PLEKHG1: variants seen among roughly 807,000 people sequenced by gnomAD.
PLEKHG1 encodes the protein pleckstrin homology and RhoGEF domain containing G1.
A neutral mutation model predicts 100.8 loss-of-function variants in PLEKHG1; 44 were observed. The ratio of observed to expected loss-of-function variants is 0.44; its 90% CI spans 0.34 to 0.56. The LOEUF (loss-of-function observed/expected upper bound fraction) is 0.56. PLEKHG1 is among the 20% of genes least tolerant of loss of function. The pLI is 0.01. For missense variants in PLEKHG1, 1,545 were observed against 1,720.9 expected, an observed-to-expected ratio of 0.90 and a Z score of 1.81; for synonymous variants, 640 against 662.5, an observed-to-expected ratio of 0.97 and a Z score of 0.52.
chr6:150,779,357 T>TTTTTTTTTTTTTTTTA (rs1562511517), intron 3 of PLEKHG1, among the ~76,000 whole-genome samples: 2 of 147,186 alleles, frequency 1.4e-5, no homozygotes, highest in African/African-American at 5.2e-5. Flanking sequence ...TTTTTTTTTT[T>TTTTTTTTTTTTTTTTA]TTTTTTGAGA....
At chr6:150,776,053 A>G (rs912586558) in intron 3 of PLEKHG1, among the ~76,000 whole-genome samples, 1 of 152,170 alleles carries the variant, frequency 6.6e-6, no homozygotes, top group East Asian at 1.9e-4. Flanking sequence ...GTAAAGCAAT[A>G]GAAGGTTCAA....
chr6:150,666,159 T>C (rs1377903463), intron 3 of PLEKHG1, among the ~76,000 whole-genome samples: 1 of 152,216 alleles, frequency 6.6e-6, no homozygotes, highest in Non-Finnish European at 1.5e-5. Flanking sequence ...AAGAGTCAAG[T>C]TCTATAAATA....
At chr6:150,667,382 A>G (rs1012581548) in intron 3 of PLEKHG1, among the ~76,000 whole-genome samples, 1 of 152,160 alleles carries the variant, frequency 6.6e-6, no homozygotes, top group Non-Finnish European at 1.5e-5. Context: ...TGTTTCTATT[A>G]TCTGTTCAGC....
chr6:150,842,472 C>T (rs1768479704), exon 16 of PLEKHG1: 1 of 152,044 alleles, frequency 6.6e-6, no homozygotes, highest in Non-Finnish European at 1.5e-5. Context: ...AGAATATGAG[C>T]GTTTTTATCT....
At chr6:150,622,841 C>T (rs1004519603) in intron 1 of PLEKHG1, among the ~76,000 whole-genome samples, 2 of 152,100 alleles carry the variant, frequency 1.3e-5, no homozygotes, top group Non-Finnish European at 2.9e-5. Context: ...CTCCTGAGTT[C>T]GTAATACCAT....
intron 3 of PLEKHG1, among the ~76,000 whole-genome samples, chr6:150,700,432 G>C (rs112355414): frequency 0.043 from 6,557 of 151,354 alleles, 459 homozygotes; most frequent in African/African-American, 0.15. Context: ...CTGTGTCTTA[G>C]CAAGCCTCTG....
intron 1 of PLEKHG1, among the ~76,000 whole-genome samples, chr6:150,725,938 A>T (rs1238247942): frequency 6.6e-6 from 1 of 152,188 alleles, no homozygotes; most frequent in Non-Finnish European, 1.5e-5. Flanking sequence ...GACCATAAAA[A>T]AAAGAAGGAA....
chr6:150,776,705 G>T (rs369673774), intron 3 of PLEKHG1, among the ~76,000 whole-genome samples: 1 of 146,742 alleles, frequency 6.8e-6, no homozygotes, highest in Non-Finnish European at 1.5e-5. Flanking sequence ...GTACATGTGC[G>T]GTTGCACATC....
intron 1 of PLEKHG1, among the ~76,000 whole-genome samples, chr6:150,608,781 G>A (rs370151777): frequency 2.0e-5 from 3 of 152,338 alleles, no homozygotes; most frequent in East Asian, 3.9e-4. Context: ...ATACTCAGTT[G>A]AAATGCGGGA....
chr6:150,636,824 T>C (rs1391025200), intron 1 of PLEKHG1, among the ~76,000 whole-genome samples: 1 of 152,198 alleles, frequency 6.6e-6, no homozygotes, highest in Non-Finnish European at 1.5e-5. Context: ...ATAAAAAACT[T>C]ATTCCTCAAG....
chr6:150,701,417 T>TTTTATATATATATATA (rs1261404373), intron 3 of PLEKHG1, among the ~76,000 whole-genome samples: 2 of 31,156 alleles, frequency 6.4e-5, no homozygotes, highest in Non-Finnish European at 1.1e-4. Context: ...CAGTAATTCT[T>TTTTATATATATATATA]TATATATATA....
chr6:150,650,077 A>AG lies in PLEKHG1; in HGVS notation c.-157-650dup, dbSNP rs573719915. On this transcript the variant is annotated intron_variant, in intron 2 of 3. Transcript: ENST00000367326. ...TTGTCTCAAAAAAAAAAAAAAAGAA[A>AG]GAAAAAAAAAACCAAAACAGTGACC... 1.1e-3 allele frequency among the ~76,000 whole-genome samples: 171 copies of AG among 148,912 alleles called. 1 individual carries two copies. The highest frequency in any genetic ancestry group is 1.6e-3 in the Non-Finnish European group (108 of 66,604).
At chr6:150,820,363 C>T (rs1776228257) in intron 12 of PLEKHG1, among the ~76,000 whole-genome samples, 1 of 152,162 alleles carries the variant, frequency 6.6e-6, no homozygotes, top group South Asian at 2.1e-4. Flanking sequence ...GAGTGACACA[C>T]ACAAAAGATT....
chr6:150,676,046 A>G (rs1779748427), intron 3 of PLEKHG1, among the ~76,000 whole-genome samples: 1 of 152,256 alleles, frequency 6.6e-6, no homozygotes, highest in African/African-American at 2.4e-5. Context: ...CTAAAGAATT[A>G]CAGATTTGCA....
intron 2 of PLEKHG1, among the ~76,000 whole-genome samples, chr6:150,737,514 G>C (rs985242242): frequency 6.6e-6 from 1 of 151,826 alleles, no homozygotes; most frequent in African/African-American, 2.4e-5. Context: ...GGATGGTCTC[G>C]ATCTCCTGAC....
chr6:150,840,076 A>C lies in PLEKHG1; in HGVS notation c.3338A>C (p.Glu1113Ala), dbSNP rs755742514. ...TTGAGGTCAAGATATCCCACGTTTG[A>C]GATCAATACAAAAAGTACTCCCAGG... The change falls in exon 16 of 16, where the codon GAG becomes GCG. Residue 1113 changes from glutamate to alanine, a missense_variant. Physicochemically the swap from Glu to Ala is moderately radical, Grantham distance 107. Coordinates refer to ENST00000358517, the Ensembl canonical transcript of PLEKHG1. 3 of 1,614,170 alleles carry C rather than the reference A, an allele frequency of 1.9e-6. No homozygotes were observed. In the South Asian group the frequency reaches 3.3e-5, roughly 18 times the overall value.
intron 3 of PLEKHG1, among the ~76,000 whole-genome samples, chr6:150,773,660 T>C (rs539957426): frequency 6.6e-6 from 1 of 152,362 alleles, no homozygotes; most frequent in South Asian, 2.1e-4. Context: ...ATTGCTCTTC[T>C]TCAACACTGG....
chr6:150,830,634 C>T (rs1776861916), exon 15 of PLEKHG1: 1 of 1,612,504 alleles, frequency 6.2e-7, no homozygotes, highest in Non-Finnish European at 8.5e-7. Context: ...CCGTCTCCTG[C>T]CCAGAGAAAT....
At chr6:150,803,248 T>C (rs540483859) in intron 6 of PLEKHG1, among the ~76,000 whole-genome samples, 36 of 152,322 alleles carry the variant, frequency 2.4e-4, no homozygotes, top group Non-Finnish European at 4.3e-4. Flanking sequence ...ATCTTCAAGT[T>C]GCACCATAAC....
Sources: gnomAD v4.1 joint callset for allele counts (sites outside exome capture counted in the v4.1 genomes callset) on GRCh38, gnomAD v4.1.1 for gene constraint, MANE v1.5 for transcripts, NCBI Gene and HGNC (gene_info 2026-07-23, HGNC 2026-07-21) for gene names.